CMTR1: variants seen among roughly 807,000 people sequenced by gnomAD.
CMTR1 encodes the protein cap-specific mRNA (nucleoside-2'-O-)-methyltransferase 1.
In CMTR1, 39 loss-of-function variants were observed where a neutral mutation model predicts 107.0. The observed-to-expected ratio is 0.36, with a 90% CI of 0.28 to 0.48. CMTR1 has a LOEUF of 0.48. Ranked by LOEUF, CMTR1 falls within the 20% of genes least tolerant of loss-of-function variation. CMTR1 has a pLI of 0.99. For missense variants in CMTR1, 672 were observed against 1,064.9 expected, an observed-to-expected ratio of 0.63 and a Z score of 5.14; for synonymous variants, 366 against 379.5, an observed-to-expected ratio of 0.96 and a Z score of 0.41.
At chr6:37,451,940 TC>T in intron 6 of CMTR1, 63 bp downstream of exon 6, 1 of 1,358,130 alleles carries the variant, frequency 7.4e-7, no homozygotes. Context: ...GCTGGACTTT[TC>T]CATTTCTCCT....
At chr6:37,479,008 T>G in intron 22 of CMTR1, 139 bp from the exon 23 acceptor site, 2 of 621,226 alleles carry the variant, frequency 3.2e-6, no homozygotes, top group Non-Finnish European at 5.7e-6. Context: ...TGATGAAGGC[T>G]GCTGCCTCAC....
At chr6:37,425,592 T>C in the CMTR1 span, among the ~76,000 whole-genome samples, 1 of 152,112 alleles carries the variant, frequency 6.6e-6, no homozygotes, top group African/African-American at 2.4e-5. Flanking sequence ...GTTTTAGCAA[T>C]ATATTCTTGA....
chr6:37,475,443 G>A lies in CMTR1; in HGVS notation c.2036+31G>A, dbSNP rs373234138. 39 of 1,581,570 alleles carry A rather than the reference G, an allele frequency of 2.5e-5. No individual in the cohort carries two copies. In the East Asian group the frequency reaches 2.9e-4, roughly 12 times the overall value. ...ACCTGGGCCCCAGGGTAGGGAGGGT[G>A]GGGGTAGGCCAGGGCAGCTTGGGAG... On this transcript the variant is annotated intron_variant, in intron 19 of 23. Coordinates refer to ENST00000373451, the MANE Select transcript of CMTR1 (RefSeq NM_015050.3).
At chr6:37,434,566 A>C (rs1224229560) in intron 1 of CMTR1, among the ~76,000 whole-genome samples, 1 of 152,044 alleles carries the variant, frequency 6.6e-6, no homozygotes, top group Non-Finnish European at 1.5e-5. Flanking sequence ...TCTCGTGCTT[A>C]TCTCTCATGT....
chr6:37,440,765 G>C (rs1267055090), intron 2 of CMTR1, among the ~76,000 whole-genome samples: 1 of 152,158 alleles, frequency 6.6e-6, no homozygotes, highest in Non-Finnish European at 1.5e-5. Context: ...TTTTTGCCCA[G>C]AGATATTCTG....
the CMTR1 span, among the ~76,000 whole-genome samples, chr6:37,426,913 T>C: frequency 6.6e-6 from 1 of 152,112 alleles, no homozygotes; most frequent in African/African-American, 2.4e-5. Context: ...TTGAAACAAA[T>C]GGGGAAAGTT....
At chr6:37,436,174 T>C (rs930569217) in intron 2 of CMTR1, 13 of 158,348 alleles carry the variant, frequency 8.2e-5, no homozygotes, top group Non-Finnish European at 1.8e-4. Flanking sequence ...ATGCATACCG[T>C]TTTCTCAATT....
At chr6:37,445,712 C>G (rs1000057560) in intron 3 of CMTR1, among the ~76,000 whole-genome samples, 6 of 151,936 alleles carry the variant, frequency 3.9e-5, no homozygotes, top group Non-Finnish European at 7.4e-5. Flanking sequence ...CCAGGATGGT[C>G]TCTATCTCCT....
intron 8 of CMTR1, among the ~76,000 whole-genome samples, chr6:37,456,323 A>T (rs1240122224): frequency 6.6e-6 from 1 of 152,242 alleles, no homozygotes; most frequent in African/African-American, 2.4e-5. Context: ...CAAAAAGATG[A>T]ATAATCGATG....
At chr6:37,450,551 A>G (rs2252920) in intron 5 of CMTR1, among the ~76,000 whole-genome samples, 109,728 of 152,034 alleles carry the variant, frequency 0.72, 40,193 homozygotes, top group African/African-American at 0.83. Context: ...TCTTTTCTCT[A>G]AGTTATTTAA....
upstream of CMTR1, among the ~76,000 whole-genome samples, chr6:37,433,037 G>A (rs1257040140): frequency 6.6e-6 from 1 of 152,274 alleles, no homozygotes; most frequent in African/African-American, 2.4e-5. Context: ...AGAGCCAAAG[G>A]AGGAGATAGT....
At chr6:37,457,468 A>G (rs1761320344) in intron 8 of CMTR1, among the ~76,000 whole-genome samples, 1 of 152,102 alleles carries the variant, frequency 6.6e-6, no homozygotes, top group South Asian at 2.1e-4. Flanking sequence ...GGGAGTGCAA[A>G]AAGGAGAGAG....
the CMTR1 span, among the ~76,000 whole-genome samples, chr6:37,427,554 T>TG: frequency 1.3e-5 from 2 of 152,234 alleles, no homozygotes; most frequent in Admixed American, 1.3e-4. This position sits in a 1 kb window ranked among gnomAD's most constrained non-coding sequence, Gnocchi z 4.4. Flanking sequence ...TTACACACAC[T>TG]GGCAACTTTA....
At chr6:37,465,289 T>C (rs1419345775) in intron 13 of CMTR1, among the ~76,000 whole-genome samples, 2 of 151,862 alleles carry the variant, frequency 1.3e-5, no homozygotes, top group Admixed American at 6.6e-5. Context: ...GTATATTATA[T>C]ATAAAAACAA....
At position 37,481,323 on chromosome 6, in the gene CMTR1, G is replaced by GAGAT; in HGVS notation, c.*1181_*1184dup. 3 of 1,205,448 alleles carry GAGAT rather than the reference G, an allele frequency of 2.5e-6. No individual in the cohort carries two copies. The highest frequency in any genetic ancestry group is 1.5e-5 in the South Asian group (1 of 65,750). 74.7% of individuals were successfully genotyped at this position (1,205,448 alleles called of 1,614,324 possible). A position where few individuals can be genotyped will look rare whatever the true frequency, so the allele number is the denominator to read the frequency against. On this transcript the variant is annotated 3_prime_UTR_variant, in exon 24 of 24. Coordinates refer to ENST00000373451, the MANE Select transcript of CMTR1 (RefSeq NM_015050.3). ...TCCCAGTGCCAGGCTGGTTTCCATGGAGATAGGGCACTGAGGCTCCCGTGA... is the reference window on the plus strand; with the variant it reads ...TCCCAGTGCCAGGCTGGTTTCCATGGAGATAGATAGGGCACTGAGGCTCCCGTGA...
At chr6:37,445,191 C>T (rs1403449395) in intron 3 of CMTR1, among the ~76,000 whole-genome samples, 1 of 152,162 alleles carries the variant, frequency 6.6e-6, no homozygotes, top group African/African-American at 2.4e-5. Flanking sequence ...ACTCAGTCAG[C>T]CTGTTTGACC....
At chr6:37,437,676 A>T (rs57024179) in intron 2 of CMTR1, among the ~76,000 whole-genome samples, 5 of 152,120 alleles carry the variant, frequency 3.3e-5, no homozygotes, top group African/African-American at 4.8e-5. Flanking sequence ...TTCCTGAGTA[A>T]GAAGGCAAAA....
chr6:37,444,538 T>G (rs1771742644), intron 3 of CMTR1, among the ~76,000 whole-genome samples: 1 of 152,196 alleles, frequency 6.6e-6, no homozygotes, highest in Admixed American at 6.5e-5. Flanking sequence ...TCCTGTTCAC[T>G]CCCAGATGCC....
intron 2 of CMTR1, among the ~76,000 whole-genome samples, chr6:37,437,203 A>AT (rs1390864614): frequency 1.3e-5 from 2 of 149,084 alleles, no homozygotes; most frequent in African/African-American, 2.5e-5. Context: ...ACATTATGAG[A>AT]TTTTTGGGGG....
Sources: gnomAD v4.1 joint callset for allele counts (sites outside exome capture counted in the v4.1 genomes callset) on GRCh38, gnomAD v4.1.1 for gene constraint, Gnocchi (gnomAD v3.1) non-coding constraint, MANE v1.5 for transcripts, NCBI Gene and HGNC (gene_info 2026-07-23, HGNC 2026-07-21) for gene names.